Variants in TBC1D22A observed in about 807,000 individuals in gnomAD.
TBC1D22A encodes TBC1 domain family member 22A, also known as putative GTPase activator.
A neutral mutation model predicts 60.2 loss-of-function variants in TBC1D22A; 38 were observed. The observed-to-expected ratio is 0.63, with a 90% CI of 0.49 to 0.83. The LOEUF is 0.83. Ranked by LOEUF, TBC1D22A falls within the 40% of genes least tolerant of loss-of-function variation. TBC1D22A has a pLI of 0.00. For missense variants in TBC1D22A, 628 were observed against 701.0 expected, an observed-to-expected ratio of 0.90 and a Z score of 1.18; for synonymous variants, 302 against 281.7, an observed-to-expected ratio of 1.07 and a Z score of -0.72.
chr22:47,123,981 T>C (rs2147096491), intron 12 of TBC1D22A, among the ~76,000 whole-genome samples: 1 of 152,276 alleles, frequency 6.6e-6, no homozygotes, highest in East Asian at 1.9e-4. Context: ...CTGCCTCCCA[T>C]GTTCTGATGC....
At chr22:47,000,929 C>G (rs1472022987) in intron 10 of TBC1D22A, among the ~76,000 whole-genome samples, 43 of 151,968 alleles carry the variant, frequency 2.8e-4, no homozygotes, top group Non-Finnish European at 2.9e-5. Context: ...GAAGCTAGGA[C>G]CTGGCTAGGT....
intron 8 of TBC1D22A, among the ~76,000 whole-genome samples, chr22:46,955,688 T>C (rs921121460): frequency 6.6e-6 from 1 of 152,228 alleles, no homozygotes; most frequent in African/African-American, 2.4e-5. Context: ...ATTGAACCAA[T>C]AATGCAGTTC....
chr22:46,915,619 G>A (rs1239783656), intron 8 of TBC1D22A: 4 of 456,608 alleles, frequency 8.8e-6, no homozygotes, highest in African/African-American at 4.0e-5. Flanking sequence ...GTACAGGATA[G>A]CATCCCAGTT....
chr22:46,924,752 AAAAC>A (rs1345820148), intron 8 of TBC1D22A, among the ~76,000 whole-genome samples: 3 of 150,422 alleles, frequency 2.0e-5, no homozygotes, highest in Non-Finnish European at 4.4e-5. Flanking sequence ...TCTCAAAAAA[AAAAC>A]AAAAACAAAA....
At chr22:47,036,323 G>C (rs2062657193) in intron 10 of TBC1D22A, among the ~76,000 whole-genome samples, 1 of 152,208 alleles carries the variant, frequency 6.6e-6, no homozygotes, top group Non-Finnish European at 1.5e-5. Flanking sequence ...TAGGCACCAT[G>C]ATCACTGGGA....
At chr22:47,113,615 A>G (rs553062441) in intron 12 of TBC1D22A, among the ~76,000 whole-genome samples, 24 of 152,312 alleles carry the variant, frequency 1.6e-4, no homozygotes, top group Admixed American at 5.2e-4. Context: ...CAGTAAAGAA[A>G]TGATTGACCT....
intron 12 of TBC1D22A, among the ~76,000 whole-genome samples, chr22:47,162,870 G>A (rs992781885): frequency 2.0e-5 from 3 of 152,070 alleles, no homozygotes; most frequent in Non-Finnish European, 2.9e-5. Flanking sequence ...GCACTTCCTC[G>A]TGGTCTTGAT....
rs191575899 is a variant in TBC1D22A at position 47,014,855 on chromosome 22, T to C, written c.1201+17146T>C. On this transcript the variant is annotated intron_variant, in intron 10 of 12. Coordinates refer to ENST00000337137, the MANE Select transcript of TBC1D22A (RefSeq NM_014346.5). ...GCCATGTGGGGGCCTCCCCCAGCCA[T>C]ATTCTGCCAGGGAGCCTCTTGATGT... 4.4e-4 allele frequency among the ~76,000 whole-genome samples: 67 copies of C among 152,324 alleles called. No individual in the cohort carries two copies. The East Asian group carries it at 0.012, about 27-fold the overall frequency.
chr22:46,823,533 G>A (rs927888295), intron 4 of TBC1D22A, among the ~76,000 whole-genome samples: 2 of 152,188 alleles, frequency 1.3e-5, no homozygotes, highest in African/African-American at 2.4e-5. Flanking sequence ...GCAGGTGCCC[G>A]CGTGGTGTTT....
At chr22:47,108,448 C>T (rs1249448472) in intron 11 of TBC1D22A, among the ~76,000 whole-genome samples, 4 of 152,256 alleles carry the variant, frequency 2.6e-5, no homozygotes, top group African/African-American at 9.6e-5. Flanking sequence ...CAGACCAAAA[C>T]CAAATGTGTA....
chr22:46,768,094 G>A (rs1420627400), intron 1 of TBC1D22A: 2 of 152,960 alleles, frequency 1.3e-5, no homozygotes, highest in African/African-American at 4.8e-5. Flanking sequence ...AGGGAGACCA[G>A]GAGGCCAGGG....
At chr22:47,036,935 G>A in intron 10 of TBC1D22A, 136 bp from the exon 11 acceptor site, 1 of 950,110 alleles carries the variant, frequency 1.1e-6, no homozygotes, top group Non-Finnish European at 1.6e-6. Flanking sequence ...TTGCTCCTTG[G>A]GGGTTGTTGC....
At chr22:47,139,905 T>C (rs1333118012) in intron 12 of TBC1D22A, among the ~76,000 whole-genome samples, 3 of 152,268 alleles carry the variant, frequency 2.0e-5, no homozygotes, top group Non-Finnish European at 4.4e-5. Context: ...GTCCACATCA[T>C]GTGACTGCTC....
chr22:46,925,846 C>T (rs1448999248), intron 8 of TBC1D22A, among the ~76,000 whole-genome samples: 1 of 152,108 alleles, frequency 6.6e-6, no homozygotes, highest in African/African-American at 2.4e-5. Flanking sequence ...ACACTGCACC[C>T]AACAGCAGCA....
chr22:46,798,465 T>G (rs2084753026), intron 4 of TBC1D22A, among the ~76,000 whole-genome samples: 1 of 152,248 alleles, frequency 6.6e-6, no homozygotes, highest in South Asian at 2.1e-4. Context: ...AGTGTGACTC[T>G]TCCTGCGCGA....
intron 8 of TBC1D22A, among the ~76,000 whole-genome samples, chr22:46,967,216 A>G (rs2073845062): frequency 6.6e-6 from 1 of 152,172 alleles, no homozygotes; most frequent in Non-Finnish European, 1.5e-5. Context: ...GAGCCATTTG[A>G]TCATAACGTT....
At chr22:46,902,891 A>C in intron 7 of TBC1D22A, among the ~76,000 whole-genome samples, 2 of 152,228 alleles carry the variant, frequency 1.3e-5, no homozygotes, top group African/African-American at 4.8e-5. Flanking sequence ...AAACCCAGAG[A>C]GATCATATAC....
intron 8 of TBC1D22A, among the ~76,000 whole-genome samples, chr22:46,944,809 G>T (rs939663065): frequency 6.6e-6 from 1 of 152,048 alleles, no homozygotes; most frequent in Admixed American, 6.5e-5. Context: ...TTATTTTATC[G>T]TGATTACTCT....
chr22:46,828,098 G>C (rs964039296), intron 4 of TBC1D22A, among the ~76,000 whole-genome samples: 1 of 152,208 alleles, frequency 6.6e-6, no homozygotes, highest in Non-Finnish European at 1.5e-5. Flanking sequence ...CTTGAGGCCA[G>C]GGGGCTGCTC....
Sources: allele counts gnomAD v4.1 joint callset (sites outside exome capture counted in the v4.1 genomes callset), GRCh38; gene constraint gnomAD v4.1.1; transcripts MANE v1.5; gene names NCBI Gene and HGNC (gene_info 2026-07-23, HGNC 2026-07-21).